Variants in TEKT5 observed in about 807,000 individuals in gnomAD.
The protein encoded by TEKT5 is tektin-5.
Under a neutral mutation model 48.7 loss-of-function variants are expected in TEKT5, and 52 were observed. The ratio of observed to expected loss-of-function variants is 1.07; its 90% CI spans 0.86 to 1.35. TEKT5 has a LOEUF of 1.35. Ranked by LOEUF, TEKT5 falls within the 40% of genes most tolerant of loss-of-function variation. The probability of loss-of-function intolerance (pLI) is 0.00; values close to 1 mark genes in which losing one functional copy is unlikely to be tolerated. For missense variants in TEKT5, 831 were observed against 641.6 expected, an observed-to-expected ratio of 1.30 and a Z score of -3.19; for synonymous variants, 318 against 267.6, an observed-to-expected ratio of 1.19 and a Z score of -1.84.
intron 5 of TEKT5, among the ~76,000 whole-genome samples, chr16:10,638,323 C>T (rs7197022): frequency 0.25 from 38,630 of 151,922 alleles, 5,571 homozygotes; most frequent in East Asian, 0.49. Context: ...AACATCCACT[C>T]TCTACCCTAT....
intron 4 of TEKT5, among the ~76,000 whole-genome samples, chr16:10,676,805 G>A (rs994151364): frequency 5.3e-5 from 8 of 152,238 alleles, no homozygotes; most frequent in African/African-American, 9.6e-5. Context: ...GGCAACATCC[G>A]TGTCCTCATG....
At chr16:10,632,633 G>A (rs1218983889) in intron 6 of TEKT5, among the ~76,000 whole-genome samples, 1 of 151,978 alleles carries the variant, frequency 6.6e-6, no homozygotes, top group African/African-American at 2.4e-5. Flanking sequence ...CTTTCTGGGG[G>A]ATAGGCATGG....
In TEKT5 at chr16:10,689,266, C is replaced by T; in HGVS notation, c.706G>A (p.Asp236Asn). ...EQMRKLAQRI[D>N]IQMRDNRDAQ... is the part of the protein sequence containing the mutation. ...AAAAGCCCTTACCGCATCTGGATAT[C>T]AATTCTTTGAGCTAATTTTCTCATC... Residue 236 changes from aspartate (D) to asparagine (N), a missense_variant, in exon 3 of 7, where the codon GAT becomes AAT. Coordinates refer to ENST00000283025, the MANE Select transcript of TEKT5 (RefSeq NM_144674.2). 8 of 1,608,166 alleles carry T rather than the reference C, an allele frequency of 5.0e-6. No homozygotes were observed. Among genetic ancestry groups the T allele is most frequent in the Non-Finnish European group, 6.8e-6 (8 of 1,178,124 alleles).
intron 6 of TEKT5, among the ~76,000 whole-genome samples, chr16:10,629,542 C>A (rs552252039): frequency 6.6e-6 from 1 of 152,100 alleles, no homozygotes; most frequent in African/African-American, 2.4e-5. Flanking sequence ...TGAGCCACCA[C>A]GCCTGGCCCT....
Position 10,635,937 on chromosome 16 carries a change from G to T in TEKT5, c.1087-19C>A, listed in dbSNP as rs1014207027. ...GCAGCGTCTGCGAGGGAACACACAG[G>T]TGTCACCACCCACCAGGCCCTTCTG... is the stretch of plus-strand genomic sequence containing the variant. On this transcript the variant is annotated intron_variant, in intron 5 of 6. Coordinates refer to ENST00000283025, the MANE Select transcript of TEKT5 (RefSeq NM_144674.2). The T allele has an allele frequency of 1.9e-5, 30 of 1,611,854 alleles. No homozygotes were observed. Among genetic ancestry groups the T allele is most frequent in the African/African-American group, 6.7e-5 (5 of 74,876 alleles).
At chr16:10,633,028 G>A (rs147086743) in intron 6 of TEKT5, among the ~76,000 whole-genome samples, 1 of 152,126 alleles carries the variant, frequency 6.6e-6, no homozygotes, top group Non-Finnish European at 1.5e-5. Flanking sequence ...AAAGCAGTAG[G>A]TCCTCCAGGC....
At chr16:10,673,871 C>T (rs772029655) in intron 5 of TEKT5, among the ~76,000 whole-genome samples, 7 of 151,790 alleles carry the variant, frequency 4.6e-5, no homozygotes, top group East Asian at 1.9e-4. Context: ...AGGCTGGTCT[C>T]GAACTCCTGA....
intron 5 of TEKT5, among the ~76,000 whole-genome samples, chr16:10,647,214 G>A (rs989525041): frequency 4.0e-5 from 6 of 151,848 alleles, no homozygotes; most frequent in African/African-American, 1.5e-4. Context: ...TGACAACTGT[G>A]GTCCCAGCAC....
In TEKT5 at chr16:10,635,785, C is replaced by T; in HGVS notation, c.1220G>A (p.Cys407Tyr). Residue 407 changes from cysteine to tyrosine, a missense_variant, in exon 6 of 7, where the codon TGC (cysteine) becomes TAC (tyrosine). Physicochemically the swap from Cys to Tyr is radical, Grantham distance 194. Transcript: ENST00000283025. ...TTACTTCAACTGCGGGATGTCCCTGCACAGCTCCATGTTGGGGCGCCGGGT... is the reference window on the plus strand; with the variant it reads ...TTACTTCAACTGCGGGATGTCCCTGTACAGCTCCATGTTGGGGCGCCGGGT... The part of the protein sequence containing the change: ...CRTRRPNMEL[C>Y]RDIPQLKLVN... 6.2e-7 allele frequency: 1 copy of T among 1,614,154 alleles called. No homozygotes were observed. The highest frequency in any genetic ancestry group is 8.5e-7 in the Non-Finnish European group (1 of 1,179,992).
chr16:10,644,884 T>A (rs1055280590), intron 5 of TEKT5, among the ~76,000 whole-genome samples: 7 of 152,192 alleles, frequency 4.6e-5, no homozygotes, highest in African/African-American at 1.7e-4. Flanking sequence ...GCTTAATCTG[T>A]CCCAGTGTGC....
chr16:10,675,856 G>C, intron 5 of TEKT5, 103 bp downstream of exon 5: 1 of 1,158,766 alleles, frequency 8.6e-7, no homozygotes, highest in East Asian at 2.4e-5. Context: ...GTACTGCTTT[G>C]GCACCAGGGG....
At chr16:10,655,276 G>C (rs1007807596) in intron 5 of TEKT5, among the ~76,000 whole-genome samples, 1 of 152,090 alleles carries the variant, frequency 6.6e-6, no homozygotes, top group Admixed American at 6.6e-5. Context: ...ATCGCTCCCA[G>C]TCTAAACGGA....
At chr16:10,668,648 G>A (rs144328546) in intron 5 of TEKT5, among the ~76,000 whole-genome samples, 3 of 152,144 alleles carry the variant, frequency 2.0e-5, no homozygotes, top group African/African-American at 2.4e-5. Context: ...CCTGGGAAGG[G>A]GTGGTTTTGC....
At chr16:10,636,025 T>A in intron 5 of TEKT5, 107 bp from the exon 6 acceptor site, 1 of 1,499,738 alleles carries the variant, frequency 6.7e-7, no homozygotes, top group Non-Finnish European at 9.0e-7. Context: ...GCCAGGCACT[T>A]AAGATACTCC....
chr16:10,640,063 T>TCTTCTCCTTCC (rs1897970080), intron 5 of TEKT5, among the ~76,000 whole-genome samples: 1 of 151,280 alleles, frequency 6.6e-6, no homozygotes, highest in African/African-American at 2.4e-5. Flanking sequence ...TCCTCCTCCT[T>TCTTCTCCTTCC]TTTCTTTCTC....
chr16:10,637,341 T>TAAAAA (rs35329984), intron 5 of TEKT5, among the ~76,000 whole-genome samples: 2 of 138,728 alleles, frequency 1.4e-5, no homozygotes, highest in African/African-American at 5.3e-5. Flanking sequence ...CAGCCCGCTT[T>TAAAAA]AAAAAAAAAA....
chr16:10,676,646 T>C (rs1898652418), intron 4 of TEKT5, among the ~76,000 whole-genome samples: 1 of 152,128 alleles, frequency 6.6e-6, no homozygotes, highest in South Asian at 2.1e-4. Flanking sequence ...TGGGCCTGCT[T>C]CTTCATTGGG....
At chr16:10,656,798 T>C (rs1348103975) in intron 5 of TEKT5, among the ~76,000 whole-genome samples, 1 of 152,112 alleles carries the variant, frequency 6.6e-6, no homozygotes, top group Non-Finnish European at 1.5e-5. Context: ...TGGAGGGCAA[T>C]GGTGCAATCA....
At chr16:10,678,844 T>C (rs924169427) in intron 4 of TEKT5, among the ~76,000 whole-genome samples, 1 of 152,212 alleles carries the variant, frequency 6.6e-6, no homozygotes, top group Non-Finnish European at 1.5e-5. Context: ...GGGAGGAATT[T>C]GCCAAAGACA....
Sources: gnomAD v4.1 joint callset for allele counts (sites outside exome capture counted in the v4.1 genomes callset) on GRCh38, gnomAD v4.1.1 for gene constraint, MANE v1.5 for transcripts, NCBI Gene and HGNC (gene_info 2026-07-23, HGNC 2026-07-21) for gene names.